Variants in DGKA observed in about 807,000 individuals in gnomAD.
DGKA encodes the protein 80 kDa diacylglycerol kinase.
DGKA carries 35 observed loss-of-function variants against 105.0 expected under a neutral mutation model. The observed-to-expected ratio is 0.33, with a 90% CI of 0.25 to 0.44. The LOEUF (loss-of-function observed/expected upper bound fraction) is 0.44, where lower values mean the gene tolerates loss of function less well. DGKA is among the 20% of genes least tolerant of loss of function. The pLI, the probability that DGKA is intolerant of heterozygous loss-of-function variation, is 1.00. For synonymous variants in DGKA, 296 were observed against 332.0 expected (o/e 0.89, Z 1.18); for missense variants, 665 against 915.0 (o/e 0.73, Z 3.53).
At chr12:55,949,313 C>T (rs1308851178) in intron 17 of DGKA, among the ~76,000 whole-genome samples, 1 of 152,060 alleles carries the variant, frequency 6.6e-6, no homozygotes, top group East Asian at 1.9e-4. Flanking sequence ...TTCTCCCTGT[C>T]TCAGCCTCCT....
chr12:55,936,013 G>A (rs1017740549), intron 1 of DGKA: 29 of 990,668 alleles, frequency 2.9e-5, no homozygotes, highest in Non-Finnish European at 3.2e-5. Context: ...CCCGAGATGG[G>A]AGAGAGCTCA....
rs550372970 is a variant in DGKA at position 55,940,734 on chromosome 12, G to T, written c.1017+12G>T. ...ATCCCAGTGTCCTGGTGAGACCCTC[G>T]GCAGCAGCGGGGAGGGGACAGGAGT... is the stretch of plus-strand genomic sequence containing the variant. On this transcript the variant is annotated intron_variant, in intron 12 of 23. Transcript: ENST00000331886. The surrounding 1 kb of genome is among the most constrained non-coding windows in gnomAD (Gnocchi z 4.3). 6.2e-7 allele frequency: 1 copy of T among 1,612,448 alleles called. No homozygotes were observed. The highest frequency in any genetic ancestry group is 8.5e-7 in the Non-Finnish European group (1 of 1,179,518).
chr12:55,953,867 A>G lies in DGKA; in HGVS notation c.*99A>G. ...TACATTGCTGCCACATACTCCTGCC[A>G]GCTTGGGGGAGTGTTCCTTCACCCT... On this transcript the variant is annotated 3_prime_UTR_variant, in exon 24 of 24. Transcript: ENST00000331886. 9.7e-7 allele frequency: 1 copy of G among 1,034,828 alleles called. No individual in the cohort carries two copies. The highest frequency in any genetic ancestry group is 1.5e-6 in the Non-Finnish European group (1 of 681,000). 64.1% of individuals were successfully genotyped at this position (1,034,828 alleles called of 1,614,324 possible).
chr12:55,944,331 A>G (rs1447494636), intron 17 of DGKA, among the ~76,000 whole-genome samples: 1 of 151,950 alleles, frequency 6.6e-6, no homozygotes, highest in Non-Finnish European at 1.5e-5. Context: ...ATAAATAGCC[A>G]GGCATGGTGG....
intron 17 of DGKA, among the ~76,000 whole-genome samples, chr12:55,944,383 G>C (rs1164604659): frequency 2.0e-5 from 3 of 152,224 alleles, no homozygotes; most frequent in African/African-American, 7.2e-5. Context: ...CGGGAGGATT[G>C]CTTCAGCTGA....
Position 55,942,016 on chromosome 12 carries a change from T to A in DGKA, c.1269T>A (p.Asp423Glu), listed in dbSNP as rs1886115418. 6.2e-7 allele frequency: 1 copy of A among 1,614,064 alleles called. No individual in the cohort carries two copies. Among genetic ancestry groups the A allele is most frequent in the African/African-American group, 1.3e-5 (1 of 74,934 alleles). ...GTCTCAGGCTCCGATTATTCAAGGATGTTCCTGATAGCCGGATTTTGGTGT... is the reference window on the plus strand; with the variant it reads ...GTCTCAGGCTCCGATTATTCAAGGAAGTTCCTGATAGCCGGATTTTGGTGT... ...GPEIGLRLFK[D>E]VPDSRILVCG... is the part of the protein sequence containing the mutation. Residue 423 changes from aspartate to glutamate, a missense_variant, in exon 16 of 24, where the codon GAT becomes GAA. Asp to Glu is a conservative substitution (Grantham distance 45). This residue lies in a region of DGKA where 504 missense variants were observed against 681.2 expected (regional missense o/e 0.74). Transcript: ENST00000331886.
Position 55,941,340 on chromosome 12 carries a change from A to G in DGKA, c.1175+15A>G, listed in dbSNP as rs770935242. On this transcript the variant is annotated intron_variant, in intron 14 of 23. Coordinates refer to ENST00000331886, the MANE Select transcript of DGKA (RefSeq NM_001345.5). ...CAGGGGCAAAGGTGAGGAGAAATATATTGGGTCTTCTAAGATGAGAGGCAG... is the reference window on the plus strand; with the variant it reads ...CAGGGGCAAAGGTGAGGAGAAATATGTTGGGTCTTCTAAGATGAGAGGCAG... 2.5e-6 allele frequency: 4 copies of G among 1,612,002 alleles called. No homozygotes were observed. Among genetic ancestry groups the G allele is most frequent in the Admixed American group, 3.3e-5 (2 of 59,914 alleles).
rs1885650913 is a variant in DGKA, at chr12:55,940,367, C to G, written c.852C>G (p.Arg284=). ...GCTGTGAGTCCGGGCGCTGCGACCG[C>G]TGTCAGAAAAAGATCCGGATCTACC... ...RGGCESGRCD[R]CQKKIRIYHS... is the part of the protein sequence containing the mutation. Residue 284 remains arginine, a synonymous_variant, in exon 11 of 24, where the codon CGC becomes CGG. Transcript: ENST00000331886. The surrounding 1 kb of genome is among the most constrained non-coding windows in gnomAD (Gnocchi z 4.3). 6.2e-7 allele frequency: 1 copy of G among 1,614,124 alleles called. No homozygotes were observed. Among genetic ancestry groups the G allele is most frequent in the South Asian group, 1.1e-5 (1 of 91,088 alleles).
intron 17 of DGKA, 42 bp from the exon 18 acceptor site, chr12:55,951,581 G>C: frequency 6.3e-7 from 1 of 1,589,104 alleles, no homozygotes; most frequent in Non-Finnish European, 8.6e-7. Context: ...AGGCCTCTCT[G>C]GGACCCAGAG....
upstream of DGKA, among the ~76,000 whole-genome samples, chr12:55,930,107 A>G (rs1182820135): frequency 1.3e-5 from 2 of 152,122 alleles, no homozygotes; most frequent in African/African-American, 2.4e-5. Context: ...CTATTCTTAC[A>G]TTGTATGTTT....
At chr12:55,927,923 A>T, upstream of DGKA, 1 of 866,458 alleles carries the variant, frequency 1.2e-6, no homozygotes, top group Non-Finnish European at 1.7e-6. Context: ...CTAGGGTCAG[A>T]GGGCAGGGTG....
intron 1 of DGKA, chr12:55,935,769 C>G: frequency 1.7e-6 from 1 of 599,976 alleles, no homozygotes; most frequent in Non-Finnish European, 2.1e-6. Flanking sequence ...TAGTGGAGCT[C>G]CGCGGAACGC....
In DGKA at chr12:55,932,173, G is replaced by T; in HGVS notation, c.-82+829G>T. 1 of 246,476 alleles carries T rather than the reference G, an allele frequency of 4.1e-6. No homozygotes were observed. Among genetic ancestry groups the T allele is most frequent in the Non-Finnish European group, 8.2e-6 (1 of 121,408 alleles). 15.3% of individuals were successfully genotyped at this position (246,476 alleles called of 1,614,324 possible). On this transcript the variant is annotated intron_variant, in intron 1 of 23. Coordinates refer to ENST00000331886, the MANE Select transcript of DGKA (RefSeq NM_001345.5). This position sits in a 1 kb window ranked among gnomAD's most constrained non-coding sequence, Gnocchi z 4.3. ...CGCCCCACCCTCCCCCATCGGAAAAGGACAGGGGTAGGGAAGCCGAGGACC... is the reference window on the plus strand; with the variant it reads ...CGCCCCACCCTCCCCCATCGGAAAATGACAGGGGTAGGGAAGCCGAGGACC...
rs565227460 is a variant in DGKA at position 55,952,387 on chromosome 12, A to G, written c.1699A>G (p.Ile567Val). Reference protein sequence around the residue: ...WYFEFATSESIFSTCKKLEES... With the variant: ...WYFEFATSESVFSTCKKLEES... The stretch of plus-strand genomic sequence containing the variant: ...CTTCGAATTTGCCACATCTGAATCC[A>G]TCTTCTCAACATGCAAAAAGCTGGA... The change falls in exon 20 of 24, where the codon ATC becomes GTC. Residue 567 changes from isoleucine to valine, a missense_variant. By Grantham distance (29) the Ile-to-Val change is conservative. This residue lies in a region of DGKA where 3 missense variants were observed against 20.4 expected (regional missense o/e 0.15). Transcript: ENST00000331886. The surrounding 1 kb of genome is among the most constrained non-coding windows in gnomAD (Gnocchi z 5.1). 1 of 1,614,166 alleles carries G rather than the reference A, an allele frequency of 6.2e-7. No individual in the cohort carries two copies. The highest frequency in any genetic ancestry group is 8.5e-7 in the Non-Finnish European group (1 of 1,180,014).
At chr12:55,950,066 A>T (rs989530362) in intron 17 of DGKA, among the ~76,000 whole-genome samples, 1 of 145,896 alleles carries the variant, frequency 6.9e-6, no homozygotes, top group African/African-American at 2.5e-5. Context: ...CCTCCGCCTC[A>T]TGGGTTCAAG....
intron 17 of DGKA, among the ~76,000 whole-genome samples, chr12:55,947,767 G>A (rs1002027558): frequency 2.0e-5 from 3 of 151,980 alleles, no homozygotes; most frequent in Admixed American, 1.3e-4. Context: ...TTGCTTACTC[G>A]GAGAATATGA....
chr12:55,941,607 A>T (rs1454424621), intron 15 of DGKA, 23 bp downstream of exon 15: 7 of 1,612,354 alleles, frequency 4.3e-6, no homozygotes, highest in Non-Finnish European at 5.1e-6. Flanking sequence ...TAGGGACTGT[A>T]TCACAGTGTT....
upstream of DGKA, chr12:55,930,514 G>C: frequency 6.6e-6 from 1 of 152,436 alleles, no homozygotes; most frequent in Non-Finnish European, 1.5e-5. Flanking sequence ...CTACAGGCAT[G>C]TGCCACCACG....
intron 2 of DGKA, 80 bp from the exon 3 acceptor site, chr12:55,936,937 C>G: frequency 7.8e-7 from 1 of 1,278,132 alleles, no homozygotes; most frequent in Non-Finnish European, 1.1e-6. Flanking sequence ...TCATTTGAAT[C>G]TTTTTTCCTG....
Sources: gnomAD v4.1 joint callset for allele counts (sites outside exome capture counted in the v4.1 genomes callset) on GRCh38, gnomAD v4.1.1 for gene constraint, gnomAD v4.1.1 regional missense constraint, Gnocchi (gnomAD v3.1) non-coding constraint, MANE v1.5 for transcripts, NCBI Gene and HGNC (gene_info 2026-07-23, HGNC 2026-07-21) for gene names.